The following CSNK1G3 variants were observed in gnomAD, a reference collection of about 807,000 sequenced individuals.
CSNK1G3 encodes the protein casein kinase I isoform gamma-3.
Under a neutral mutation model 64.3 loss-of-function variants are expected in CSNK1G3, and 23 were observed. The ratio of observed to expected loss-of-function variants is 0.36; its 90% CI spans 0.26 to 0.51. CSNK1G3 has a LOEUF of 0.51. CSNK1G3 is among the 20% of genes least tolerant of loss of function. CSNK1G3 has a pLI of 0.96. For synonymous variants in CSNK1G3, 158 were observed against 162.2 expected, an observed-to-expected ratio of 0.97 and a Z score of 0.20; for missense variants, 357 against 510.5, an observed-to-expected ratio of 0.70 and a Z score of 2.90.
chr5:123,540,195 G>T (rs1781459817), intron 1 of CSNK1G3, among the ~76,000 whole-genome samples: 1 of 151,762 alleles, frequency 6.6e-6, no homozygotes, highest in Non-Finnish European at 1.5e-5. Context: ...GCCACTGAGT[G>T]TATCTAGTGA....
At chr5:123,520,494 A>AG (rs1171757248) in intron 1 of CSNK1G3, among the ~76,000 whole-genome samples, 1 of 138,054 alleles carries the variant, frequency 7.2e-6, no homozygotes, top group East Asian at 2.1e-4. Flanking sequence ...TTTTTTTTTG[A>AG]GGGGGGTAGA....
At chr5:123,588,975 C>G (rs901256307) in intron 8 of CSNK1G3, among the ~76,000 whole-genome samples, 1 of 151,942 alleles carries the variant, frequency 6.6e-6, no homozygotes, top group Non-Finnish European at 1.5e-5. Context: ...TATTGGGGAG[C>G]TGTATGCATT....
At chr5:123,545,216 T>A (rs1782324220) in intron 1 of CSNK1G3, among the ~76,000 whole-genome samples, 1 of 152,134 alleles carries the variant, frequency 6.6e-6, no homozygotes, top group South Asian at 2.1e-4. Flanking sequence ...ATTGAATCCC[T>A]GATATCTTTG....
intron 1 of CSNK1G3, among the ~76,000 whole-genome samples, chr5:123,530,266 G>A (rs1779716738): frequency 1.3e-5 from 2 of 152,272 alleles, no homozygotes; most frequent in Admixed American, 1.3e-4. Flanking sequence ...CTGGAGAACA[G>A]TGAGAGCTGA....
chr5:123,593,642 A>C (rs1792861095), intron 10 of CSNK1G3, among the ~76,000 whole-genome samples: 1 of 152,000 alleles, frequency 6.6e-6, no homozygotes, highest in Admixed American at 6.6e-5. Flanking sequence ...ACTTGACTTC[A>C]TCTGATTTGA....
exon 10 of CSNK1G3, chr5:123,591,374 C>T: frequency 6.2e-7 from 1 of 1,610,204 alleles, no homozygotes. Flanking sequence ...AACAGAGAAG[C>T]ACATCAACAC....
At chr5:123,537,754 T>C (rs1781079112) in intron 1 of CSNK1G3, among the ~76,000 whole-genome samples, 1 of 152,128 alleles carries the variant, frequency 6.6e-6, no homozygotes, top group South Asian at 2.1e-4. Context: ...TTTTGGCAAA[T>C]GTATGTATCC....
chr5:123,513,335 G>C (rs1052169651), intron 1 of CSNK1G3, among the ~76,000 whole-genome samples: 1 of 152,038 alleles, frequency 6.6e-6, no homozygotes, highest in Admixed American at 6.5e-5. Context: ...TCTACTCGTG[G>C]GGTGGGGGTA....
intron 4 of CSNK1G3, among the ~76,000 whole-genome samples, chr5:123,562,257 T>C (rs144043972): frequency 1.3e-5 from 2 of 152,304 alleles, no homozygotes; most frequent in South Asian, 2.1e-4. Context: ...AATCTTCTTA[T>C]TTGATCTGAT....
chr5:123,610,971 A>AATAAATAAATAAATAAAT (rs1796232222), intron 12 of CSNK1G3, among the ~76,000 whole-genome samples: 1 of 152,236 alleles, frequency 6.6e-6, no homozygotes, highest in African/African-American at 2.4e-5. Flanking sequence ...ATTCTAGTGC[A>AATAAATAAATAAATAAAT]AAGGCAGATA....
At chr5:123,526,977 A>G (rs528897654) in intron 1 of CSNK1G3, among the ~76,000 whole-genome samples, 1 of 152,026 alleles carries the variant, frequency 6.6e-6, no homozygotes, top group African/African-American at 2.4e-5. Context: ...AAACTGCCAA[A>G]CTATTTTTCA....
At chr5:123,548,335 T>C (rs1447030106) in intron 2 of CSNK1G3, among the ~76,000 whole-genome samples, 1 of 151,900 alleles carries the variant, frequency 6.6e-6, no homozygotes, top group Non-Finnish European at 1.5e-5. Flanking sequence ...GGTGTATGCC[T>C]ATAGTCCTAG....
intron 5 of CSNK1G3, among the ~76,000 whole-genome samples, chr5:123,574,264 A>G (rs1239164691): frequency 6.6e-6 from 1 of 152,170 alleles, no homozygotes; most frequent in Non-Finnish European, 1.5e-5. Flanking sequence ...TTGGATAACA[A>G]TTAGAGAGTG....
intron 1 of CSNK1G3, among the ~76,000 whole-genome samples, chr5:123,543,573 C>G (rs1212540439): frequency 4.6e-5 from 7 of 152,168 alleles, no homozygotes; most frequent in Non-Finnish European, 1.0e-4. Context: ...TTTACTTCAA[C>G]AGCTGCAAAT....
chr5:123,550,653 C>T (rs1783456065), intron 2 of CSNK1G3, among the ~76,000 whole-genome samples: 1 of 152,186 alleles, frequency 6.6e-6, no homozygotes, highest in South Asian at 2.1e-4. Context: ...TTTAATATGG[C>T]ACAATGCTTT....
At chr5:123,596,703 C>T (rs536265682) in intron 10 of CSNK1G3, among the ~76,000 whole-genome samples, 21 of 152,164 alleles carry the variant, frequency 1.4e-4, no homozygotes, top group African/African-American at 2.6e-4. Flanking sequence ...GAGTTTTCAG[C>T]GTACTGAGAC....
chr5:123,547,692 A>G (rs1252825673), intron 2 of CSNK1G3, among the ~76,000 whole-genome samples: 1 of 152,038 alleles, frequency 6.6e-6, no homozygotes, highest in Non-Finnish European at 1.5e-5. Context: ...TGATGTGTGT[A>G]TATATATATC....
At chr5:123,547,504 A>G (rs1209945681) in intron 2 of CSNK1G3, among the ~76,000 whole-genome samples, 1 of 152,162 alleles carries the variant, frequency 6.6e-6, no homozygotes, top group African/African-American at 2.4e-5. Flanking sequence ...AACAAGGGCA[A>G]TACGAGAAAT....
At position 123,599,927 on chromosome 5, in the gene CSNK1G3, C is replaced by T. The variant is rs573081681; in HGVS notation, c.1087-4797C>T. Among the ~76,000 whole-genome samples, 5 of 151,914 alleles carry T rather than the reference C, an allele frequency of 3.3e-5. No individual in the cohort carries two copies. In the East Asian group the frequency reaches 9.7e-4, roughly 29 times the overall value. On this transcript the variant is annotated intron_variant, in intron 10 of 12. Coordinates refer to ENST00000345990, the Ensembl canonical transcript of CSNK1G3. ...GGGATGATCAAGGAAAATAATTATC[C>T]TAAGTGAAAGTTAATTGAAAATCCA...
Sources: allele counts gnomAD v4.1 joint callset (sites outside exome capture counted in the v4.1 genomes callset), GRCh38; gene constraint gnomAD v4.1.1; transcripts MANE v1.5; gene names NCBI Gene and HGNC (gene_info 2026-07-23, HGNC 2026-07-21).